Variants in DTNB observed in about 807,000 individuals in gnomAD.
DTNB encodes the protein dystrobrevin beta, also known as DTN-B.
DTNB carries 63 observed loss-of-function variants against 90.7 expected under a neutral mutation model. That is an observed-to-expected ratio of 0.69 (90% CI 0.57 to 0.86). DTNB has a LOEUF of 0.86. Ranked by LOEUF, DTNB falls within the 40% of genes least tolerant of loss-of-function variation. The pLI is 0.00. For missense variants in DTNB, 744 were observed against 807.1 expected, an observed-to-expected ratio of 0.92 and a Z score of 0.95; for synonymous variants, 277 against 286.7, an observed-to-expected ratio of 0.97 and a Z score of 0.34.
At position 25,641,746 on chromosome 2, in the gene DTNB, C is replaced by T. The variant is rs2078351129; in HGVS notation, c.68-2652G>A. Among the ~76,000 whole-genome samples, 4 of 152,216 alleles carry T rather than the reference C, an allele frequency of 2.6e-5. No homozygotes were observed. The South Asian group carries it at 8.3e-4, about 31-fold the overall frequency. On this transcript the variant is annotated intron_variant, in intron 2 of 20. Transcript: ENST00000406818. Reference sequence around the variant, plus strand: ...CAACCTCAGATGAGATTTTAGTGCACTGCAAACACCTTTGATTTCCAGACA... The same window carrying T: ...CAACCTCAGATGAGATTTTAGTGCATTGCAAACACCTTTGATTTCCAGACA...
At chr2:25,486,658 A>G (rs116631824) in intron 9 of DTNB, among the ~76,000 whole-genome samples, 2,108 of 151,850 alleles carry the variant, frequency 0.014, 40 homozygotes, top group African/African-American at 0.045. Context: ...AAGGTAATAC[A>G]CTAAAAATGA....
chr2:25,479,216 A>G (rs1390459645), intron 10 of DTNB, among the ~76,000 whole-genome samples: 2 of 152,228 alleles, frequency 1.3e-5, no homozygotes, highest in Non-Finnish European at 2.9e-5. Context: ...AAACACAGCT[A>G]AAGCTTTAGA....
intron 6 of DTNB, among the ~76,000 whole-genome samples, chr2:25,590,797 G>T (rs1402421902): frequency 6.6e-6 from 1 of 152,182 alleles, no homozygotes. Context: ...GGGACTAGCA[G>T]CCCGACCCCC....
chr2:25,434,399 C>CTTTTTTTTTT (rs1179596539), intron 12 of DTNB, among the ~76,000 whole-genome samples: 11 of 95,506 alleles, frequency 1.2e-4, no homozygotes, highest in East Asian at 3.4e-4. Context: ...ATGAACTAGT[C>CTTTTTTTTTT]TTTTTTTTTT....
Position 25,387,374 on chromosome 2 carries a change from C to T in DTNB, c.1740G>A (p.Thr580=), listed in dbSNP as rs369824055. 356 of 1,611,864 alleles carry T rather than the reference C, an allele frequency of 2.2e-4. No homozygotes were observed. The highest frequency in any genetic ancestry group is 8.7e-4 in the East Asian group (39 of 44,858). The part of the protein sequence containing the change: ...GDVQEAFAQG[T]RRNLRNDLLV... ...GCAGGTCATTGCGGAGGTTTCTCCT[C>T]GTACCTGAGGAGAGGCAGAGCAGAT... The change falls in exon 18 of 21, where the codon ACG becomes ACA. Residue 580 remains threonine, a synonymous_variant. Transcript: ENST00000406818. The surrounding 1 kb of genome is among the most constrained non-coding windows in gnomAD (Gnocchi z 4.5).
rs565797092 is a variant in DTNB, at chr2:25,655,442, GTATGAT to G, written c.-1-2787_-1-2782del. The stretch of plus-strand genomic sequence containing the variant: ...ATGAAAGCATTGATTCACCAACACA[GTATGAT>G]ATGATGAGATGTACTGGCAAGAACT... On this transcript the variant is annotated intron_variant, in intron 1 of 20. Transcript: ENST00000406818. 1.7e-3 allele frequency among the ~76,000 whole-genome samples: 262 copies of G among 152,250 alleles called. 1 individual carries two copies. The highest frequency in any genetic ancestry group is 3.0e-3 in the Admixed American group (46 of 15,292).
At chr2:25,477,315 C>T (rs1249892046) in intron 10 of DTNB, among the ~76,000 whole-genome samples, 1 of 152,088 alleles carries the variant, frequency 6.6e-6, no homozygotes, top group Non-Finnish European at 1.5e-5. Flanking sequence ...GGGACCAAAC[C>T]TGCCGTGTCT....
intron 9 of DTNB, among the ~76,000 whole-genome samples, chr2:25,491,267 T>C (rs2067408332): frequency 6.6e-6 from 1 of 151,892 alleles, no homozygotes. Flanking sequence ...ACCTGTGAAA[T>C]GGTTTGAGTA....
chr2:25,603,512 G>C (rs1042291181), intron 5 of DTNB, among the ~76,000 whole-genome samples: 6 of 152,060 alleles, frequency 3.9e-5, no homozygotes, highest in African/African-American at 1.4e-4. Flanking sequence ...AAAAATCTAA[G>C]AAATGTTTTA....
intron 11 of DTNB, among the ~76,000 whole-genome samples, chr2:25,452,137 T>C (rs2059377997): frequency 6.6e-6 from 1 of 152,234 alleles, no homozygotes; most frequent in South Asian, 2.1e-4. Flanking sequence ...AATATTCCCC[T>C]TTTCATGCCC....
At chr2:25,536,260 T>A (rs977267308) in intron 8 of DTNB, among the ~76,000 whole-genome samples, 2 of 145,214 alleles carry the variant, frequency 1.4e-5, no homozygotes, top group Non-Finnish European at 3.0e-5. Flanking sequence ...TCCCAGACAA[T>A]GGGCGGCCAG....
chr2:25,570,522 T>C (rs768143058), intron 8 of DTNB, among the ~76,000 whole-genome samples: 21 of 152,154 alleles, frequency 1.4e-4, no homozygotes, highest in Non-Finnish European at 2.6e-4. Flanking sequence ...TAAACCTACT[T>C]TAATCGGTTT....
chr2:25,593,041 G>A (rs2063848399), intron 6 of DTNB, among the ~76,000 whole-genome samples: 2 of 151,850 alleles, frequency 1.3e-5, no homozygotes. Flanking sequence ...GTGAGCACAG[G>A]AGGCAAAACG....
intron 10 of DTNB, among the ~76,000 whole-genome samples, chr2:25,464,850 C>T (rs1415532415): frequency 6.6e-6 from 1 of 152,102 alleles, no homozygotes; most frequent in Non-Finnish European, 1.5e-5. Flanking sequence ...ACCAGTACTC[C>T]TCAAAACTGC....
In DTNB at chr2:25,666,519, C is replaced by G. The variant is rs150881346; in HGVS notation, c.-2+6867G>C. On this transcript the variant is annotated intron_variant, in intron 1 of 20. Coordinates refer to ENST00000406818, the MANE Select transcript of DTNB (RefSeq NM_021907.5). ...CTGGAAGGCCTAGGCAATGCCATAA[C>G]AAAGAAAAAAGTCTTTGTATAAAGT... Among the ~76,000 whole-genome samples the G allele has an allele frequency of 2.4e-3, 369 of 152,182 alleles. 1 individual carries two copies. The highest frequency in any genetic ancestry group is 7.3e-3 in the African/African-American group (303 of 41,540).
rs1345016674 is a variant in DTNB at position 25,399,349 on chromosome 2, C to CATTTTTTTTTTTTT, written c.1576-10989_1576-10988insAAAAAAAAAAAAAT. The CATTTTTTTTTTTTT allele has an allele frequency of 1.1e-4, 10 of 91,128 alleles. 1 individual carries two copies. The highest frequency in any genetic ancestry group is 5.7e-4 in the East Asian group (1 of 1,750). 5.6% of individuals were successfully genotyped at this position (91,128 alleles called of 1,614,324 possible). A position where few individuals can be genotyped will look rare whatever the true frequency, so the allele number is the denominator to read the frequency against. ...TACAGGCGTGAGCCATCGCCCCTGA[C>CATTTTTTTTTTTTT]CTTTTTTTTTTTTTTAGACAGGATC... is the stretch of plus-strand genomic sequence containing the variant. On this transcript the variant is annotated intron_variant, in intron 16 of 20. Coordinates refer to ENST00000406818, the MANE Select transcript of DTNB (RefSeq NM_021907.5).
At chr2:25,544,193 C>A (rs2081966140) in intron 8 of DTNB, among the ~76,000 whole-genome samples, 1 of 152,192 alleles carries the variant, frequency 6.6e-6, no homozygotes, top group African/African-American at 2.4e-5. Flanking sequence ...GACACGGTGT[C>A]CAACTGAGGG....
intron 16 of DTNB, among the ~76,000 whole-genome samples, chr2:25,395,646 CTA>C (rs944610665): frequency 1.3e-5 from 2 of 151,574 alleles, no homozygotes; most frequent in Non-Finnish European, 2.9e-5. Flanking sequence ...TATTCAAAAT[CTA>C]TGTGACAAAA....
chr2:25,487,415 G>A (rs1355464260), intron 9 of DTNB, among the ~76,000 whole-genome samples: 1 of 152,328 alleles, frequency 6.6e-6, no homozygotes, highest in Non-Finnish European at 1.5e-5. Flanking sequence ...CTCTAGAGAG[G>A]ACTTAAAGTA....
Sources: allele counts gnomAD v4.1 joint callset (sites outside exome capture counted in the v4.1 genomes callset), GRCh38; gene constraint gnomAD v4.1.1; non-coding constraint Gnocchi (gnomAD v3.1); transcripts MANE v1.5; gene names NCBI Gene and HGNC (gene_info 2026-07-23, HGNC 2026-07-21).